The following SAXO1 variants were observed in gnomAD, a reference collection of about 807,000 sequenced individuals.
SAXO1 encodes 4930500O09Rik.
A neutral mutation model predicts 17.5 loss-of-function variants in SAXO1; 21 were observed. The observed-to-expected ratio is 1.20, with a 90% CI of 0.85 to 1.72. SAXO1 has a LOEUF of 1.72. Ranked by LOEUF, SAXO1 falls within the 40% of genes most tolerant of loss-of-function variation. The pLI is 0.00. For synonymous variants in SAXO1, 274 were observed against 216.5 expected (o/e 1.27, Z -2.33); for missense variants, 843 against 596.0 (o/e 1.41, Z -4.32).
intron 1 of SAXO1, among the ~76,000 whole-genome samples, chr9:19,021,090 G>A (rs1440330429): frequency 2.6e-5 from 4 of 152,148 alleles, no homozygotes; most frequent in Non-Finnish European, 4.4e-5. Context: ...TTTGTTCTAT[G>A]TGACCTCACC....
Position 18,968,259 on chromosome 9 carries a change from G to A in SAXO1, c.39-17322C>T, listed in dbSNP as rs150957068. ...GAGGTTTCCTCATGTTGGCCAGGCT[G>A]GTCTCGAACTCTTGGGCTCAAGCAA... On this transcript the variant is annotated intron_variant, in intron 1 of 3. Coordinates refer to ENST00000380534, the MANE Select transcript of SAXO1 (RefSeq NM_153707.4). Among the ~76,000 whole-genome samples, 1,168 of 152,286 alleles carry A rather than the reference G, an allele frequency of 7.7e-3. 9 individuals carry two copies. Among genetic ancestry groups the A allele is most frequent in the Non-Finnish European group, 0.011 (720 of 68,020 alleles).
At chr9:18,944,827 T>C (rs1831720838) in intron 2 of SAXO1, among the ~76,000 whole-genome samples, 1 of 152,236 alleles carries the variant, frequency 6.6e-6, no homozygotes, top group Non-Finnish European at 1.5e-5. Context: ...ATTTTCACCA[T>C]GACAAAGGGC....
chr9:19,028,165 T>C, intron 1 of SAXO1: 1 of 1,421,920 alleles, frequency 7.0e-7, no homozygotes, highest in Non-Finnish European at 9.9e-7. Flanking sequence ...GACTCGCGGC[T>C]GAAGTGCGCA....
At chr9:18,996,042 G>A (rs764938577) in intron 1 of SAXO1, among the ~76,000 whole-genome samples, 1 of 146,330 alleles carries the variant, frequency 6.8e-6, no homozygotes, top group Non-Finnish European at 1.5e-5. Context: ...TCATGCCACA[G>A]CACTCCAATC....
intron 1 of SAXO1, chr9:19,028,157 C>A: frequency 2.0e-6 from 3 of 1,495,678 alleles, no homozygotes; most frequent in South Asian, 1.1e-5. Flanking sequence ...CAGCCCCGGA[C>A]TCGCGGCTGA....
chr9:19,034,849 C>T (rs1450102907), upstream of SAXO1, among the ~76,000 whole-genome samples: 3 of 152,226 alleles, frequency 2.0e-5, no homozygotes, highest in Non-Finnish European at 4.4e-5. Context: ...CCAGCCTTCT[C>T]TTGATGGCTG....
intron 1 of SAXO1, among the ~76,000 whole-genome samples, chr9:18,995,541 G>T (rs920802762): frequency 6.6e-6 from 1 of 152,204 alleles, no homozygotes; most frequent in Admixed American, 6.5e-5. Flanking sequence ...ACAAGGGGAT[G>T]CTGCTGCTAT....
chr9:18,941,741 T>C lies in SAXO1; in HGVS notation c.317A>G (p.Lys106Arg). The C allele has an allele frequency of 6.2e-7, 1 of 1,613,932 alleles. No individual in the cohort carries two copies. The highest frequency in any genetic ancestry group is 8.5e-7 in the Non-Finnish European group (1 of 1,180,036). The change falls in exon 3 of 4, where the codon AAG becomes AGG. Residue 106 changes from lysine to arginine, a missense_variant. By Grantham distance (26) the Lys-to-Arg change is conservative. Coordinates refer to ENST00000380534, the MANE Select transcript of SAXO1 (RefSeq NM_153707.4). The stretch of plus-strand genomic sequence containing the variant: ...GACAGGGTAGGGATTGTAATCTTTC[T>C]TATACGTCGTGAGCAAATCCATATT... ...EENMDLLTTY[K>R]KDYNPYPVCR... is the part of the protein sequence containing the mutation.
At chr9:18,936,189 A>T (rs1293132793) in intron 3 of SAXO1, among the ~76,000 whole-genome samples, 2 of 152,226 alleles carry the variant, frequency 1.3e-5, no homozygotes, top group East Asian at 3.9e-4. Context: ...CACGCTCTTA[A>T]GTTTATTTTA....
intron 1 of SAXO1, among the ~76,000 whole-genome samples, chr9:19,014,001 C>T (rs529991059): frequency 3.3e-5 from 5 of 152,226 alleles, no homozygotes; most frequent in African/African-American, 9.6e-5. Context: ...TAGTTAATAA[C>T]AACGTATGAA....
chr9:18,968,074 C>T (rs7028777), intron 1 of SAXO1, among the ~76,000 whole-genome samples: 27,645 of 152,008 alleles, frequency 0.18, 5,279 homozygotes, highest in African/African-American at 0.49. Context: ...CTGTGGGCCT[C>T]AGCCACTGTC....
chr9:18,962,931 C>A (rs10811071), intron 1 of SAXO1, among the ~76,000 whole-genome samples: 1 of 151,930 alleles, frequency 6.6e-6, no homozygotes, highest in Admixed American at 6.5e-5. Context: ...TATGGTTTTA[C>A]GTCTTACGCT....
At chr9:18,978,062 T>C (rs1563958020) in intron 1 of SAXO1, among the ~76,000 whole-genome samples, 1 of 145,176 alleles carries the variant, frequency 6.9e-6, no homozygotes, top group Non-Finnish European at 1.5e-5. Context: ...TGGAACTAGA[T>C]CTTATCATTA....
chr9:18,996,918 T>C (rs1024970721), intron 1 of SAXO1, among the ~76,000 whole-genome samples: 6 of 151,938 alleles, frequency 3.9e-5, no homozygotes, highest in African/African-American at 1.5e-4. Context: ...AGTTCACAAA[T>C]GACATGATCT....
At chr9:18,979,779 T>C (rs1274434855) in intron 1 of SAXO1, among the ~76,000 whole-genome samples, 2 of 152,212 alleles carry the variant, frequency 1.3e-5, no homozygotes, top group Non-Finnish European at 2.9e-5. Context: ...TGTTTAAGGC[T>C]GCAGTGAGCT....
At chr9:18,974,898 G>C (rs543954598) in intron 1 of SAXO1, among the ~76,000 whole-genome samples, 3 of 152,294 alleles carry the variant, frequency 2.0e-5, no homozygotes, top group Non-Finnish European at 4.4e-5. Context: ...TAACAAACAG[G>C]ATATTGGTAT....
intron 1 of SAXO1, among the ~76,000 whole-genome samples, chr9:19,012,356 G>A (rs1005488208): frequency 1.3e-5 from 2 of 152,222 alleles, no homozygotes; most frequent in Non-Finnish European, 2.9e-5. Flanking sequence ...AGAGGCGCTA[G>A]GGCGCCTCAC....
chr9:18,953,260 C>G (rs1832111906), intron 1 of SAXO1, among the ~76,000 whole-genome samples: 1 of 152,214 alleles, frequency 6.6e-6, no homozygotes, highest in Non-Finnish European at 1.5e-5. Flanking sequence ...ATTACTTTCC[C>G]TTTTCAGTGC....
At chr9:19,021,716 T>TG (rs1185530244) in intron 1 of SAXO1, among the ~76,000 whole-genome samples, 1 of 152,226 alleles carries the variant, frequency 6.6e-6, no homozygotes, top group African/African-American at 2.4e-5. Context: ...GGTGGGTACT[T>TG]GGAGAACTTT....
Sources: gnomAD v4.1 joint callset for allele counts (sites outside exome capture counted in the v4.1 genomes callset) on GRCh38, gnomAD v4.1.1 for gene constraint, MANE v1.5 for transcripts, NCBI Gene and HGNC (gene_info 2026-07-23, HGNC 2026-07-21) for gene names.